The following GALNT13 variants were observed in gnomAD, a reference collection of about 807,000 sequenced individuals.
GALNT13 encodes the protein polypeptide N-acetylgalactosaminyltransferase 13.
A neutral mutation model predicts 64.2 loss-of-function variants in GALNT13; 28 were observed. The observed-to-expected ratio is 0.44, with a 90% CI of 0.32 to 0.60. GALNT13 has a LOEUF of 0.60. GALNT13 is among the 20% of genes least tolerant of loss of function. The pLI is 0.05. For missense variants in GALNT13, 577 were observed against 669.8 expected, an observed-to-expected ratio of 0.86 and a Z score of 1.53; for synonymous variants, 214 against 224.6, an observed-to-expected ratio of 0.95 and a Z score of 0.42.
At chr2:153,842,372 A>T in the GALNT13 span, among the ~76,000 whole-genome samples, 1 of 152,172 alleles carries the variant, frequency 6.6e-6, no homozygotes, top group Non-Finnish European at 1.5e-5. Flanking sequence ...GCTGGTGAGA[A>T]AAATATTGGT....
At chr2:153,563,042 CTA>C in the GALNT13 span, among the ~76,000 whole-genome samples, 2 of 152,038 alleles carry the variant, frequency 1.3e-5, no homozygotes, top group South Asian at 2.1e-4. Context: ...CCTATTATAT[CTA>C]TGTGTTCCTT....
At chr2:154,253,764 T>G (rs1690217049) in intron 7 of GALNT13, among the ~76,000 whole-genome samples, 1 of 152,246 alleles carries the variant, frequency 6.6e-6, no homozygotes, top group African/African-American at 2.4e-5. Flanking sequence ...AGAACATTTT[T>G]GGAATTTCAG....
At chr2:154,015,641 C>G (rs759326390) in intron 3 of GALNT13, among the ~76,000 whole-genome samples, 2 of 152,138 alleles carry the variant, frequency 1.3e-5, no homozygotes, top group Admixed American at 6.5e-5. Flanking sequence ...ACATTGCCTT[C>G]TCCTACTTTA....
intron 3 of GALNT13, among the ~76,000 whole-genome samples, chr2:154,023,267 T>G (rs549797234): frequency 1.6e-4 from 24 of 152,260 alleles, no homozygotes; most frequent in Admixed American, 3.3e-4. Flanking sequence ...CTGTCTCGTT[T>G]ATCTGTCTAA....
chr2:153,997,216 G>T (rs1695579835), intron 3 of GALNT13, among the ~76,000 whole-genome samples: 1 of 151,970 alleles, frequency 6.6e-6, no homozygotes, highest in Non-Finnish European at 1.5e-5. Flanking sequence ...GAATGCCATT[G>T]GTGTTTTGAT....
intron 3 of GALNT13, among the ~76,000 whole-genome samples, chr2:153,994,618 G>A (rs1213847157): frequency 2.0e-5 from 3 of 152,140 alleles, no homozygotes; most frequent in Non-Finnish European, 4.4e-5. Context: ...TCTAACTGGT[G>A]TAAGATGGTA....
chr2:153,869,822 C>G (rs1321797936), upstream of GALNT13, among the ~76,000 whole-genome samples: 1 of 151,998 alleles, frequency 6.6e-6, no homozygotes, highest in African/African-American at 2.4e-5. Context: ...ACTATATTAT[C>G]TATGTTTGGG....
At chr2:153,721,726 G>A in the GALNT13 span, among the ~76,000 whole-genome samples, 4 of 151,972 alleles carry the variant, frequency 2.6e-5, no homozygotes, top group Non-Finnish European at 5.9e-5. Context: ...TTACATAATG[G>A]TAAAGGGATC....
At chr2:154,236,383 GAC>G (rs1341579577) in intron 4 of GALNT13, among the ~76,000 whole-genome samples, 2 of 152,012 alleles carry the variant, frequency 1.3e-5, no homozygotes, top group Non-Finnish European at 2.9e-5. Context: ...TTCACCTGTA[GAC>G]ACAGTCAGAC....
intron 4 of GALNT13, among the ~76,000 whole-genome samples, chr2:154,157,509 A>G (rs1490041049): frequency 6.6e-6 from 1 of 152,082 alleles, no homozygotes; most frequent in East Asian, 1.9e-4. Context: ...TTACTTCTTT[A>G]ATCAGTTTTC....
chr2:154,445,616 T>C (rs1220427128), intron 12 of GALNT13, among the ~76,000 whole-genome samples: 1 of 152,022 alleles, frequency 6.6e-6, no homozygotes, highest in African/African-American at 2.4e-5. Context: ...ACTACATAGT[T>C]AATATTATGA....
the GALNT13 span, among the ~76,000 whole-genome samples, chr2:153,594,205 G>T: frequency 6.6e-6 from 1 of 152,090 alleles, no homozygotes; most frequent in African/African-American, 2.4e-5. Context: ...TATATACACA[G>T]CTGCTGGATA....
chr2:154,058,437 A>G (rs1413938854), intron 3 of GALNT13, among the ~76,000 whole-genome samples: 2 of 152,266 alleles, frequency 1.3e-5, no homozygotes, highest in Non-Finnish European at 2.9e-5. Flanking sequence ...ATAAAGTGTA[A>G]TACAGGTAGA....
intron 9 of GALNT13, among the ~76,000 whole-genome samples, chr2:154,364,839 T>G (rs958683779): frequency 3.9e-5 from 6 of 152,124 alleles, no homozygotes; most frequent in Non-Finnish European, 7.4e-5. Flanking sequence ...CCTGGCTAAT[T>G]TTTGTATATT....
chr2:154,429,309 C>T (rs115075940), intron 11 of GALNT13, among the ~76,000 whole-genome samples: 1 of 152,176 alleles, frequency 6.6e-6, no homozygotes, highest in South Asian at 2.1e-4. Flanking sequence ...AGGAAAAATT[C>T]TTGAAGGAAA....
At chr2:153,856,137 A>G in the GALNT13 span, among the ~76,000 whole-genome samples, 1 of 152,130 alleles carries the variant, frequency 6.6e-6, no homozygotes. Flanking sequence ...AATGTTCTAG[A>G]CATAGTTGTG....
intron 2 of GALNT13, among the ~76,000 whole-genome samples, chr2:153,914,346 G>A (rs1229916133): frequency 1.3e-5 from 2 of 152,022 alleles, no homozygotes; most frequent in African/African-American, 2.4e-5. Flanking sequence ...CTAGTCGAGT[G>A]TGGTGGTGTG....
At chr2:154,083,875 T>C (rs144564499) in intron 3 of GALNT13, among the ~76,000 whole-genome samples, 115 of 151,976 alleles carry the variant, frequency 7.6e-4, no homozygotes, top group African/African-American at 2.5e-3. Flanking sequence ...ACTTTAGTAA[T>C]AAGAGTAGTT....
intron 10 of GALNT13, among the ~76,000 whole-genome samples, chr2:154,398,933 C>G (rs1699176247): frequency 6.6e-6 from 1 of 152,128 alleles, no homozygotes; most frequent in African/African-American, 2.4e-5. Flanking sequence ...TTTATTATCG[C>G]AGGGTTAATA....
Sources: gnomAD v4.1 joint callset for allele counts (sites outside exome capture counted in the v4.1 genomes callset) on GRCh38, gnomAD v4.1.1 for gene constraint, MANE v1.5 for transcripts, NCBI Gene and HGNC (gene_info 2026-07-23, HGNC 2026-07-21) for gene names.